RALGPS2: variants seen among roughly 807,000 people sequenced by gnomAD.
The protein encoded by RALGPS2 is Ral GEF with PH domain and SH3 binding motif 2.
Under a neutral mutation model 86.8 loss-of-function variants are expected in RALGPS2, and 43 were observed. The ratio of observed to expected loss-of-function variants is 0.50; its 90% CI spans 0.39 to 0.64. The LOEUF is 0.64. Ranked by LOEUF, RALGPS2 falls within the 30% of genes least tolerant of loss-of-function variation. The pLI is 0.00. For synonymous variants in RALGPS2, 243 were observed against 231.3 expected (o/e 1.05, Z -0.46); for missense variants, 536 against 694.6 (o/e 0.77, Z 2.57).
chr1:178,888,171 CTAAG>C (rs1388285643), intron 13 of RALGPS2, among the ~76,000 whole-genome samples: 2 of 151,892 alleles, frequency 1.3e-5, no homozygotes, highest in African/African-American at 4.8e-5. Context: ...TATTCTAAGG[CTAAG>C]TAAGTAAACA....
In RALGPS2 at chr1:178,918,113, T is replaced by G. The variant is rs1357451563; in HGVS notation, c.*1754T>G. On this transcript the variant is annotated 3_prime_UTR_variant, in exon 20 of 20. Transcript: ENST00000367635. ...GATGTTAAGAGTTCAAATATGCTTC[T>G]TATGTAACAGAAATACCATTATTTC... The G allele has an allele frequency of 1.3e-5, 2 of 152,250 alleles. No individual in the cohort carries two copies. The highest frequency in any genetic ancestry group is 3.9e-4 in the East Asian group (2 of 5,180). 9.4% of individuals were successfully genotyped at this position (152,250 alleles called of 1,614,324 possible). A position where few individuals can be genotyped will look rare whatever the true frequency, so the allele number is the denominator to read the frequency against.
intron 9 of RALGPS2, among the ~76,000 whole-genome samples, chr1:178,878,651 T>C (rs565739313): frequency 9.9e-5 from 15 of 152,140 alleles, no homozygotes; most frequent in Non-Finnish European, 1.8e-4. Context: ...GTGAAATTTC[T>C]CAAATATATG....
intron 1 of RALGPS2, among the ~76,000 whole-genome samples, chr1:178,750,913 T>C (rs1228545193): frequency 6.6e-6 from 1 of 152,182 alleles, no homozygotes; most frequent in Non-Finnish European, 1.5e-5. Context: ...TAGCTATGGA[T>C]CCAGGAAAAT....
At chr1:178,851,117 G>A (rs759806603) in intron 8 of RALGPS2, 12 of 1,606,748 alleles carry the variant, frequency 7.5e-6, no homozygotes, top group African/African-American at 4.0e-5. Context: ...TTAAATTGGC[G>A]AGTGTCTCTC....
chr1:178,733,422 A>AG (rs1309530167), intron 1 of RALGPS2, among the ~76,000 whole-genome samples: 1 of 152,234 alleles, frequency 6.6e-6, no homozygotes, highest in East Asian at 1.9e-4. Context: ...AGACTAGAAC[A>AG]GGTATTCAGA....
chr1:178,909,036 G>T (rs1660500181), intron 19 of RALGPS2, among the ~76,000 whole-genome samples: 1 of 152,100 alleles, frequency 6.6e-6, no homozygotes, highest in African/African-American at 2.4e-5. Flanking sequence ...TATAGTTTTA[G>T]GTTTTGCATT....
intron 1 of RALGPS2, among the ~76,000 whole-genome samples, chr1:178,754,279 T>C (rs1045513671): frequency 2.6e-5 from 4 of 151,534 alleles, no homozygotes; most frequent in African/African-American, 9.7e-5. Context: ...TATAATTTCT[T>C]ATATAGTATA....
chr1:178,787,852 A>G (rs1200741789), intron 4 of RALGPS2, among the ~76,000 whole-genome samples: 1 of 152,116 alleles, frequency 6.6e-6, no homozygotes. Flanking sequence ...ATCTACCTGC[A>G]TTTACTTTGA....
At position 178,907,014 on chromosome 1, in the gene RALGPS2, A is replaced by T. The variant is rs1007738917; in HGVS notation, c.1722+147A>T. 8.2e-6 allele frequency: 6 copies of T among 729,984 alleles called. No homozygotes were observed. The Admixed American group carries it at 1.7e-4, about 21-fold the overall frequency. The allele number at this position is 729,984 out of a possible 1,614,324, so 45.2% of individuals were successfully genotyped here. On this transcript the variant is annotated intron_variant, in intron 19 of 19. Coordinates refer to ENST00000367635, the MANE Select transcript of RALGPS2 (RefSeq NM_152663.5). The stretch of plus-strand genomic sequence containing the variant: ...GTTGATTACAGTTAATAAGATATGA[A>T]GGTCTACATCTTAGTGAGGAGCTAG...
intron 8 of RALGPS2, 34 bp downstream of exon 8, chr1:178,833,584 G>A (rs779927157): frequency 2.9e-5 from 44 of 1,515,030 alleles, no homozygotes; most frequent in Non-Finnish European, 3.8e-5. Flanking sequence ...TTTGTTTCTA[G>A]TTGTTACTCT....
chr1:178,768,963 C>G (rs1652648851), intron 1 of RALGPS2, among the ~76,000 whole-genome samples: 1 of 152,164 alleles, frequency 6.6e-6, no homozygotes, highest in African/African-American at 2.4e-5. Context: ...AGGATCTCTG[C>G]ACAGGAATGG....
At chr1:178,772,773 T>C (rs530244188) in intron 1 of RALGPS2, among the ~76,000 whole-genome samples, 1 of 152,336 alleles carries the variant, frequency 6.6e-6, no homozygotes, top group African/African-American at 2.4e-5. Context: ...GGCAAAACAA[T>C]TTTAACTTAA....
chr1:178,884,286 CCTTA>C lies in RALGPS2; in HGVS notation c.904+757_904+760del, dbSNP rs1659383874. On this transcript the variant is annotated intron_variant, in intron 11 of 19. Coordinates refer to ENST00000367635, the MANE Select transcript of RALGPS2 (RefSeq NM_152663.5). ...TATTAAAAATGTAAAAATCATAGTT[CCTTA>C]CTTTACCTGTTACATTGTAATGGGG... 2.6e-5 allele frequency among the ~76,000 whole-genome samples: 4 copies of C among 152,138 alleles called. No homozygotes were observed. In the South Asian group the frequency reaches 6.2e-4, roughly 24 times the overall value.
At chr1:178,851,019 A>G in intron 8 of RALGPS2, 1 of 1,056,640 alleles carries the variant, frequency 9.5e-7, no homozygotes, top group Non-Finnish European at 1.3e-6. Context: ...CATTTTAAAA[A>G]CTTTCTGTGT....
At chr1:178,728,097 G>A (rs1020121328) in intron 1 of RALGPS2, among the ~76,000 whole-genome samples, 1 of 152,152 alleles carries the variant, frequency 6.6e-6, no homozygotes, top group African/African-American at 2.4e-5. Context: ...CAGATGATGC[G>A]TAGTTTACAT....
chr1:178,893,791 A>G, intron 15 of RALGPS2, 128 bp from the exon 16 acceptor site: 2 of 602,078 alleles, frequency 3.3e-6, no homozygotes, highest in Non-Finnish European at 5.7e-6. Context: ...TAGAATTGTC[A>G]GTGTCTTCTC....
intron 10 of RALGPS2, chr1:178,879,211 T>C: frequency 6.2e-6 from 3 of 482,790 alleles, no homozygotes; most frequent in Non-Finnish European, 6.4e-6. Flanking sequence ...ATTTTATCTC[T>C]GTTTGTAGAG....
At chr1:178,903,932 A>AT (rs1236640085) in intron 18 of RALGPS2, among the ~76,000 whole-genome samples, 1 of 152,148 alleles carries the variant, frequency 6.6e-6, no homozygotes, top group Non-Finnish European at 1.5e-5. Context: ...TCCACACTGT[A>AT]TTCCATAGTG....
At position 178,725,269 on chromosome 1, in the gene RALGPS2, C is replaced by CA. The variant is rs56112467; in HGVS notation, c.-234_-233insA. The CA allele has an allele frequency of 8.0e-5, 14 of 174,850 alleles. No individual in the cohort carries two copies. The highest frequency in any genetic ancestry group is 1.9e-4 in the Admixed American group (3 of 15,912). 10.8% of individuals were successfully genotyped at this position (174,850 alleles called of 1,614,324 possible). On this transcript the variant is annotated 5_prime_UTR_variant, in exon 1 of 20. Coordinates refer to ENST00000367635, the MANE Select transcript of RALGPS2 (RefSeq NM_152663.5). ...ACTCTCCTCCCCCGAGCGGCAGCGG[C>CA]GGCGGCGGCGGCGGCTGCTGCGGGC...
Sources: gnomAD v4.1 joint callset for allele counts (sites outside exome capture counted in the v4.1 genomes callset) on GRCh38, gnomAD v4.1.1 for gene constraint, MANE v1.5 for transcripts, NCBI Gene and HGNC (gene_info 2026-07-23, HGNC 2026-07-21) for gene names.